Variants in PRELID2 observed in about 807,000 individuals in gnomAD.
PRELID2 encodes PRELI domain containing 2, also known as PRELI domain-containing protein 2.
In PRELID2, 25 loss-of-function variants were observed where a neutral mutation model predicts 28.4. The observed-to-expected ratio is 0.88, with a 90% CI of 0.64 to 1.23. The LOEUF is 1.23. Among genes scored for constraint, PRELID2 ranks in the 50% most tolerant of loss-of-function variants. PRELID2 has a pLI of 0.00. For missense variants in PRELID2, 201 were observed against 214.4 expected (o/e 0.94, Z 0.39); for synonymous variants, 76 against 71.6 (o/e 1.06, Z -0.31).
chr5:145,563,993 A>C (rs1048525902), intron 1 of PRELID2, among the ~76,000 whole-genome samples: 3 of 152,252 alleles, frequency 2.0e-5, no homozygotes, highest in Non-Finnish European at 2.9e-5. Flanking sequence ...AAGTCTTTTC[A>C]CTATGCATAT....
the PRELID2 span, among the ~76,000 whole-genome samples, chr5:145,331,636 C>T: frequency 6.6e-6 from 1 of 151,774 alleles, no homozygotes; most frequent in Non-Finnish European, 1.5e-5. Context: ...AGTCTTCCTC[C>T]ATCCTTTTTT....
At chr5:145,274,984 C>A in the PRELID2 span, among the ~76,000 whole-genome samples, 163 of 152,186 alleles carry the variant, frequency 1.1e-3, 1 homozygote, top group African/African-American at 3.5e-3. Context: ...TTCACTATGT[C>A]CTCACTCTGT....
intron 1 of PRELID2, among the ~76,000 whole-genome samples, chr5:145,724,893 C>G (rs1264746038): frequency 6.6e-6 from 1 of 150,792 alleles, no homozygotes; most frequent in Admixed American, 6.6e-5. Context: ...CAGATGCACA[C>G]CACTAAGCCT....
chr5:145,653,547 T>G (rs1051076415), intron 1 of PRELID2, among the ~76,000 whole-genome samples: 57 of 152,132 alleles, frequency 3.7e-4, no homozygotes, highest in African/African-American at 1.3e-3. Flanking sequence ...ATAACAAACT[T>G]TCTCTCAGAC....
the PRELID2 span, among the ~76,000 whole-genome samples, chr5:145,313,993 G>A: frequency 6.6e-6 from 1 of 152,130 alleles, no homozygotes; most frequent in South Asian, 2.1e-4. Context: ...TTTCCAATTG[G>A]AAATTTTAAT....
downstream of PRELID2, among the ~76,000 whole-genome samples, chr5:145,755,903 C>A (rs148138398): frequency 6.6e-5 from 10 of 152,100 alleles, no homozygotes; most frequent in Non-Finnish European, 2.9e-5. Flanking sequence ...TAACAAGGCA[C>A]GGAAACCCAC....
chr5:145,413,326 AAATAT>A, the PRELID2 span, among the ~76,000 whole-genome samples: 1 of 49,796 alleles, frequency 2.0e-5, no homozygotes, highest in Non-Finnish European at 5.1e-5. Flanking sequence ...TTAAAAGATA[AAATAT>A]AATAGAAGTT....
At chr5:145,706,464 A>G (rs1187635365) in intron 1 of PRELID2, among the ~76,000 whole-genome samples, 1 of 152,202 alleles carries the variant, frequency 6.6e-6, no homozygotes, top group Admixed American at 6.5e-5. Flanking sequence ...AGGGAGTTCA[A>G]GGGAGCGCCC....
At chr5:145,711,434 T>C (rs1354210640) in intron 1 of PRELID2, among the ~76,000 whole-genome samples, 1 of 152,156 alleles carries the variant, frequency 6.6e-6, no homozygotes, top group Admixed American at 6.5e-5. Context: ...GAAGCTGCCA[T>C]TGATTTGGAT....
At chr5:145,583,642 A>G (rs1028692674) in intron 1 of PRELID2, among the ~76,000 whole-genome samples, 2 of 152,102 alleles carry the variant, frequency 1.3e-5, no homozygotes, top group African/African-American at 4.8e-5. Flanking sequence ...CCTATACACT[A>G]GCAACAGGCA....
At chr5:145,832,724 A>T (rs1444830905) in intron 1 of PRELID2, among the ~76,000 whole-genome samples, 1 of 152,138 alleles carries the variant, frequency 6.6e-6, no homozygotes, top group Non-Finnish European at 1.5e-5. Flanking sequence ...TGCTGGCAGC[A>T]GTAAACATGA....
intron 1 of PRELID2, among the ~76,000 whole-genome samples, chr5:145,589,335 G>T (rs1011461855): frequency 2.0e-5 from 3 of 151,968 alleles, no homozygotes; most frequent in Admixed American, 6.6e-5. Flanking sequence ...CTCTACACAA[G>T]GTGAATTTTA....
At chr5:145,554,157 A>G (rs746904008) in intron 1 of PRELID2, among the ~76,000 whole-genome samples, 8 of 152,198 alleles carry the variant, frequency 5.3e-5, no homozygotes, top group Non-Finnish European at 1.2e-4. Context: ...ATAGATGAGA[A>G]TCAACTACAA....
intron 1 of PRELID2, among the ~76,000 whole-genome samples, chr5:145,675,969 C>T (rs577395549): frequency 9.9e-5 from 15 of 152,268 alleles, no homozygotes; most frequent in Middle Eastern, 3.4e-3. Context: ...GCCTGTAATC[C>T]CAGCACTTTG....
intron 1 of PRELID2, among the ~76,000 whole-genome samples, chr5:145,747,300 A>G (rs7717605): frequency 0.84 from 126,522 of 151,352 alleles, 53,170 homozygotes; most frequent in East Asian, 0.96. Context: ...TAATAAAGAA[A>G]AGAGAAGAAT....
the PRELID2 span, among the ~76,000 whole-genome samples, chr5:145,306,914 T>C: frequency 1.3e-5 from 2 of 152,200 alleles, no homozygotes; most frequent in African/African-American, 4.8e-5. Context: ...TCTCTTTATG[T>C]CTTGTTATTT....
intron 1 of PRELID2, among the ~76,000 whole-genome samples, chr5:145,694,555 T>G (rs753637176): frequency 5.3e-5 from 8 of 152,158 alleles, no homozygotes; most frequent in Non-Finnish European, 1.0e-4. Context: ...AAGTACAAAT[T>G]TATTGTATTT....
chr5:145,345,235 T>C, the PRELID2 span, among the ~76,000 whole-genome samples: 2 of 152,016 alleles, frequency 1.3e-5, no homozygotes, highest in Non-Finnish European at 2.9e-5. Context: ...TATTCCATTC[T>C]CACTAAGCCC....
chr5:145,348,330 A>G, the PRELID2 span, among the ~76,000 whole-genome samples: 3 of 152,112 alleles, frequency 2.0e-5, no homozygotes, highest in African/African-American at 7.2e-5. Context: ...TTTGTTCCTA[A>G]TCTGAGAGAA....
Sources: allele counts gnomAD v4.1 joint callset (sites outside exome capture counted in the v4.1 genomes callset), GRCh38; gene constraint gnomAD v4.1.1; transcripts MANE v1.5; gene names NCBI Gene and HGNC (gene_info 2026-07-23, HGNC 2026-07-21).